TTN: variants seen among roughly 807,000 people sequenced by gnomAD.
TTN encodes the protein titin.
A neutral mutation model predicts 3,223.0 loss-of-function variants in TTN; 1,525 were observed. That is an observed-to-expected ratio of 0.47 (90% CI 0.45 to 0.49). The LOEUF (loss-of-function observed/expected upper bound fraction) is 0.49. Among genes scored for constraint, TTN ranks in the 20% least tolerant of loss-of-function variants. TTN has a pLI of 0.00. For synonymous variants in TTN, 14,094 were observed against 15,161.0 expected, an observed-to-expected ratio of 0.93 and a Z score of 5.17; for missense variants, 40,786 against 43,424.0, an observed-to-expected ratio of 0.94 and a Z score of 5.40.
Position 178,682,727 on chromosome 2 carries a change from G to C in TTN, c.33064C>G (p.Arg11022Gly), listed in dbSNP as rs747806875. 1 of 1,612,400 alleles carries C rather than the reference G, an allele frequency of 6.2e-7. No individual in the cohort carries two copies. Among genetic ancestry groups the C allele is most frequent in the Non-Finnish European group, 8.5e-7 (1 of 1,178,984 alleles). Residue 11022 changes from arginine to glycine, a missense_variant, in exon 135 of 363, where the codon CGA becomes GGA. Coordinates refer to ENST00000589042, the MANE Select transcript of TTN (RefSeq NM_001267550.2). Reference sequence around the variant, plus strand: ...ATGTATTCTTCATGCTCTTCATATCGTTCATACTCCCGCTCCTCGTATTCT... The same window carrying C: ...ATGTATTCTTCATGCTCTTCATATCCTTCATACTCCCGCTCCTCGTATTCT... ...YEEYEEREYE[R>G]YEEHEEYITE...
Position 178,561,041 on chromosome 2 carries a change from C to G in TTN, c.85091G>C (p.Arg28364Pro). Residue 28364 changes from arginine to proline, a missense_variant, in exon 326 of 363, where the codon CGA becomes CCA. By Grantham distance (103) the Arg-to-Pro change is moderately radical. Transcript: ENST00000589042. ...PPRVMMDVKF[R>P]DVIVVKAGEV... ...TCCAGCTTTGACAACAATAACGTCT[C>G]GGAACTTGACATCCATCATAACTCT... The G allele has an allele frequency of 6.2e-7, 1 of 1,613,858 alleles. No individual in the cohort carries two copies. The highest frequency in any genetic ancestry group is 8.5e-7 in the Non-Finnish European group (1 of 1,179,816).
At position 178,650,227 on chromosome 2, in the gene TTN, G is replaced by A. The variant is rs765516524; in HGVS notation, c.39754C>T (p.Pro13252Ser). The A allele has an allele frequency of 6.4e-7, 1 of 1,556,294 alleles. No individual in the cohort carries two copies. Among genetic ancestry groups the A allele is most frequent in the South Asian group, 1.2e-5 (1 of 84,982 alleles). The change falls in exon 210 of 363, where the codon CCT becomes TCT. Residue 13252 changes from proline to serine, a missense_variant. Transcript: ENST00000589042. The part of the protein sequence containing the change: ...EEIAPEEEIA[P>S]EEEKPVPVAE... ...ACAGGAACTGGCTTTTCCTCTTCAG[G>A]AGCAATTTCCTCTTCAGGAGCAATT... is the stretch of plus-strand genomic sequence containing the variant.
chr2:178,599,677 C>T lies in TTN; in HGVS notation c.56224G>A (p.Val18742Met). ...VLYDTHVNKL[V>M]VDDTCTLVIP... ...ACTAAAGTGCAAGTATCATCTACCA[C>T]CAGTTTGTTGACATGGGTGTCATAG... is the stretch of plus-strand genomic sequence containing the variant. The change falls in exon 289 of 363, where the codon GTG (valine) becomes ATG (methionine). Residue 18742 changes from valine (V) to methionine (M), a missense_variant. Val to Met is a conservative substitution (Grantham distance 21). Coordinates refer to ENST00000589042, the MANE Select transcript of TTN (RefSeq NM_001267550.2). The T allele has an allele frequency of 1.2e-6, 2 of 1,613,054 alleles. No individual in the cohort carries two copies. The highest frequency in any genetic ancestry group is 1.7e-6 in the Non-Finnish European group (2 of 1,179,378).
chr2:178,751,623 C>A, intron 47 of TTN: 1 of 1,613,314 alleles, frequency 6.2e-7, no homozygotes, highest in East Asian at 2.2e-5. Flanking sequence ...AGCAATGATG[C>A]AGTTGATTCT....
At chr2:178,679,082 G>A (rs1354889951) in intron 142 of TTN, among the ~76,000 whole-genome samples, 1 of 151,982 alleles carries the variant, frequency 6.6e-6, no homozygotes, top group African/African-American at 2.4e-5. Flanking sequence ...TGTCCATTTT[G>A]ATATGCAAAA....
At chr2:178,764,436 G>A in intron 42 of TTN, 91 bp downstream of exon 42, 1 of 1,610,168 alleles carries the variant, frequency 6.2e-7, no homozygotes, top group Non-Finnish European at 8.5e-7. Context: ...ACTTTTATGA[G>A]CTCCAAATTG....
chr2:178,566,191 T>C lies in TTN; in HGVS notation c.79941A>G (p.Gln26647=), dbSNP rs72648208. Residue 26647 remains glutamine (Q), a synonymous_variant, in exon 326 of 363, where the codon CAA becomes CAG. Coordinates refer to ENST00000589042, the MANE Select transcript of TTN (RefSeq NM_001267550.2). ...TTCTATCACAGTTATCTATTGATAG[T>C]TGGGTATAGTTTACTCCCTTTTCAA... is the stretch of plus-strand genomic sequence containing the variant. The part of the protein sequence containing the change: ...VQIEKGVNYT[Q]LSIDNCDRND... 210 of 1,613,624 alleles carry C rather than the reference T, an allele frequency of 1.3e-4. No homozygotes were observed. Among genetic ancestry groups the C allele is most frequent in the Admixed American group, 7.0e-4 (42 of 59,972 alleles).
At chr2:178,683,906 CTT>C in intron 133 of TTN, 91 bp downstream of exon 133, 1 of 894,318 alleles carries the variant, frequency 1.1e-6, no homozygotes, top group Non-Finnish European at 1.6e-6. Flanking sequence ...TATACTATGT[CTT>C]TTTTTTTCTA....
Position 178,622,783 on chromosome 2 carries a change from A to T in TTN, c.44816-16T>A. On this transcript the variant is annotated splice_polypyrimidine_tract_variant and intron_variant, in intron 242 of 362. Coordinates refer to ENST00000589042, the MANE Select transcript of TTN (RefSeq NM_001267550.2). ...ACATGAGGAGCTGTAAGAGAATGTC[A>T]TCAGAATTCAAAATGAGGTTTCTGG... 9 of 1,567,420 alleles carry T rather than the reference A, an allele frequency of 5.7e-6. No homozygotes were observed. Among genetic ancestry groups the T allele is most frequent in the Non-Finnish European group, 7.8e-6 (9 of 1,148,554 alleles).
chr2:178,716,246 A>T (rs1049308713), intron 88 of TTN, among the ~76,000 whole-genome samples: 1 of 152,172 alleles, frequency 6.6e-6, no homozygotes, highest in Admixed American at 6.6e-5. Flanking sequence ...TAATATTTTT[A>T]AAATGCCATT....
intron 43 of TTN, among the ~76,000 whole-genome samples, 174 bp from the exon 44 acceptor site, chr2:178,759,346 C>G (rs1040446740): frequency 6.6e-6 from 1 of 152,202 alleles, no homozygotes; most frequent in Non-Finnish European, 1.5e-5. Flanking sequence ...TTCCTTTCAT[C>G]TTCAAGAAGG....
In TTN at chr2:178,722,778, G is replaced by A. The variant is rs879022559; in HGVS notation, c.22121C>T (p.Thr7374Ile). The A allele has an allele frequency of 2.5e-6, 4 of 1,613,186 alleles. No homozygotes were observed. The African/African-American group carries it at 4.0e-5, about 16-fold the overall frequency. ...RPTPEYRTYFTNNVATLVFNK... is the reference protein window; with the variant it reads ...RPTPEYRTYFINNVATLVFNK... The stretch of plus-strand genomic sequence containing the variant: ...AAAAACAAGTGTGGCCACATTGTTT[G>A]TAAAGTAGGTCCTGTATTCAGGAGT... The change falls in exon 76 of 363, where the codon ACA (threonine) becomes ATA (isoleucine). Residue 7374 changes from threonine (T) to isoleucine (I), a missense_variant. By Grantham distance (89) the Thr-to-Ile change is moderately conservative. Coordinates refer to ENST00000589042, the MANE Select transcript of TTN (RefSeq NM_001267550.2).
chr2:178,787,500 A>T (rs1429444115), intron 13 of TTN, among the ~76,000 whole-genome samples: 1 of 152,202 alleles, frequency 6.6e-6, no homozygotes, highest in Non-Finnish European at 1.5e-5. Flanking sequence ...TCTTCGACAG[A>T]TAACACTAAA....
chr2:178,559,919 T>C lies in TTN; in HGVS notation c.86213A>G (p.Asp28738Gly). The C allele has an allele frequency of 6.2e-7, 1 of 1,613,732 alleles. No individual in the cohort carries two copies. The highest frequency in any genetic ancestry group is 8.5e-7 in the Non-Finnish European group (1 of 1,179,762). ...CTTTGCTATCTGAGGGTCAGAGCTA[T>C]CACTGGGGTCACTAGCACCAACCTT... ...VNKVGASDPS[D>G]SSDPQIAKER... The change falls in exon 326 of 363, where the codon GAT becomes GGT. Residue 28738 changes from aspartate (D) to glycine (G), a missense_variant. Physicochemically the swap from Asp to Gly is moderately conservative, Grantham distance 94. Coordinates refer to ENST00000589042, the MANE Select transcript of TTN (RefSeq NM_001267550.2).
At chr2:178,758,342 C>T (rs968450243) in intron 44 of TTN, among the ~76,000 whole-genome samples, 2 of 152,132 alleles carry the variant, frequency 1.3e-5, no homozygotes, top group African/African-American at 4.8e-5. Context: ...CTTAATACTA[C>T]ATAGACTATA....
Position 178,713,142 on chromosome 2 carries a change from A to C in TTN, c.26992T>G (p.Cys8998Gly), listed in dbSNP as rs992449953. 6.2e-7 allele frequency: 1 copy of C among 1,613,840 alleles called. No homozygotes were observed. The highest frequency in any genetic ancestry group is 8.5e-7 in the Non-Finnish European group (1 of 1,179,776). ...LEESDSGDYT[C>G]IATNMAGSDE... Reference sequence around the variant, plus strand: ...GAACCAGCCATATTAGTAGCTATACATGTGTAGTCACCACTGTCTGATTCT... The same window carrying C: ...GAACCAGCCATATTAGTAGCTATACCTGTGTAGTCACCACTGTCTGATTCT... Residue 8998 changes from cysteine to glycine, a missense_variant, in exon 93 of 363, where the codon TGT (cysteine) becomes GGT (glycine). Coordinates refer to ENST00000589042, the MANE Select transcript of TTN (RefSeq NM_001267550.2).
chr2:178,681,883 A>G (rs1577348425), intron 135 of TTN, 145 bp from the exon 136 acceptor site: 2 of 613,682 alleles, frequency 3.3e-6, no homozygotes, highest in Non-Finnish European at 2.6e-6. Flanking sequence ...CAGAGATCCA[A>G]GCAGAACAAG....
chr2:178,545,769 T>C lies in TTN; in HGVS notation c.95416+51A>G. 30 of 1,599,368 alleles carry C rather than the reference T, an allele frequency of 1.9e-5. No individual in the cohort carries two copies. The South Asian group carries it at 3.1e-4, about 17-fold the overall frequency. On this transcript the variant is annotated intron_variant, in intron 343 of 362. Coordinates refer to ENST00000589042, the MANE Select transcript of TTN (RefSeq NM_001267550.2). ...AGACTGCCCTTCTCCCTTCTCCCCC[T>C]GATTCTATTACATTTCAACTGTCAA...
chr2:178,637,502 G>C, intron 223 of TTN, 83 bp from the exon 224 acceptor site: 6 of 749,630 alleles, frequency 8.0e-6, no homozygotes, highest in Non-Finnish European at 9.6e-6. Flanking sequence ...GGTGAGTCAT[G>C]CTCCATTATA....
Sources: allele counts gnomAD v4.1 joint callset (sites outside exome capture counted in the v4.1 genomes callset), GRCh38; gene constraint gnomAD v4.1.1; transcripts MANE v1.5; gene names NCBI Gene and HGNC (gene_info 2026-07-23, HGNC 2026-07-21).